The following PRDM7 variants were observed in gnomAD, a reference collection of about 807,000 sequenced individuals.
The protein encoded by PRDM7 is PR/SET domain 7.
A neutral mutation model predicts 64.3 loss-of-function variants in PRDM7; 52 were observed. The observed-to-expected ratio is 0.81, with a 90% CI of 0.65 to 1.02. PRDM7 has a LOEUF of 1.02. Ranked by LOEUF, PRDM7 falls within the 50% of genes least tolerant of loss-of-function variation. The pLI is 0.00. For synonymous variants in PRDM7, 192 were observed against 210.1 expected, an observed-to-expected ratio of 0.91 and a Z score of 0.74; for missense variants, 574 against 597.1, an observed-to-expected ratio of 0.96 and a Z score of 0.40.
chr16:90,065,309 C>T (rs945450247), intron 5 of PRDM7, among the ~76,000 whole-genome samples: 10 of 140,676 alleles, frequency 7.1e-5, no homozygotes, highest in Non-Finnish European at 3.0e-5. Context: ...AGGAGAACAA[C>T]TTGAACCCAG....
Position 90,058,406 on chromosome 16 carries a change from G to A in PRDM7, c.1362C>T (p.Phe454=). 3 of 1,614,216 alleles carry A rather than the reference G, an allele frequency of 1.9e-6. No homozygotes were observed. Among genetic ancestry groups the A allele is most frequent in the Non-Finnish European group, 2.5e-6 (3 of 1,180,042 alleles). Residue 454 remains phenylalanine, a synonymous_variant, in exon 11 of 11, where the codon TTC becomes TTT. Transcript: ENST00000449207. ...CCTGGGCAGGGATTCTCTGGTTGGA[G>A]AAGTTTTCTTGCAGATGGTCCTGGG... The part of the protein sequence containing the change: ...RTSQDHLQEN[F]SNQRIPAQGI...
intron 8 of PRDM7, 44 bp from the exon 9 acceptor site, chr16:90,061,563 AT>A: frequency 1.3e-6 from 2 of 1,542,846 alleles, no homozygotes; most frequent in Non-Finnish European, 1.8e-6. Context: ...GAGGGTAAAA[AT>A]CCGAAGAATT....
rs573675242 is a variant in PRDM7 at position 90,063,583 on chromosome 16, G to T, written c.508+29C>A. On this transcript the variant is annotated intron_variant, in intron 6 of 10. Transcript: ENST00000449207. ...CCAACCTTTCTAGAGGACATAGAGG[G>T]ACTAAATTCCCCTCAAATTTTTTCT... is the stretch of plus-strand genomic sequence containing the variant. The T allele has an allele frequency of 4.1e-5, 66 of 1,609,566 alleles. No homozygotes were observed. The South Asian group carries it at 6.6e-4, about 16-fold the overall frequency.
rs8048407 is a variant in PRDM7, at chr16:90,057,324, C to T, written c.*965G>A. On this transcript the variant is annotated 3_prime_UTR_variant, in exon 11 of 11. Coordinates refer to ENST00000449207, the MANE Select transcript of PRDM7 (RefSeq NM_001098173.2). ...GACCAGGGAGCTCTCTTTCCTGCTG[C>T]GACTCTGTAAAACCCTACATTTCTC... 3,188 of 154,178 alleles carry T rather than the reference C, an allele frequency of 0.021. 117 individuals carry two copies. Among genetic ancestry groups the T allele is most frequent in the African/African-American group, 0.073 (3,034 of 41,446 alleles). 9.6% of individuals were successfully genotyped at this position (154,178 alleles called of 1,614,324 possible). A position where few individuals can be genotyped will look rare whatever the true frequency, so the allele number is the denominator to read the frequency against.
rs1597687556 is a variant in PRDM7, at chr16:90,065,721, C to G, written c.351+1140G>C. 4.0e-5 allele frequency among the ~76,000 whole-genome samples: 6 copies of G among 151,420 alleles called. No homozygotes were observed. In the South Asian group the frequency reaches 1.2e-3, roughly 31 times the overall value. On this transcript the variant is annotated intron_variant, in intron 5 of 10. Transcript: ENST00000449207. ...TTGCACTGCAGCCTTGGCGCAAGAG[C>G]CAGACTCTGTCTCAAACTACCCCCT...
chr16:90,076,429 C>G (rs1011628351), intron 1 of PRDM7, among the ~76,000 whole-genome samples: 2 of 138,512 alleles, frequency 1.4e-5, no homozygotes, highest in African/African-American at 4.9e-5. Context: ...ATTTGGGGAT[C>G]TCTACCTGGG....
rs748141669 is a variant in PRDM7, at chr16:90,075,415, C to T, written c.129G>A (p.Met43Ile). The T allele has an allele frequency of 1.2e-6, 2 of 1,614,088 alleles. No homozygotes were observed. Among genetic ancestry groups the T allele is most frequent in the Non-Finnish European group, 1.7e-6 (2 of 1,180,056 alleles). Residue 43 changes from methionine to isoleucine, a missense_variant, in exon 3 of 11, where the codon ATG becomes ATA. By Grantham distance (10) the Met-to-Ile change is conservative. Transcript: ENST00000449207. This position sits in a 1 kb window ranked among gnomAD's most constrained non-coding sequence, Gnocchi z 4.3. ...TATAGCGAGTTTTCTCCCAGTCTCC[C>T]ATTTCTGCCCATTCTTCCTTGGTGA... ...IYFTKEEWAE[M>I]GDWEKTRYRN...
chr16:90,060,925 C>T (rs897730448), intron 9 of PRDM7, among the ~76,000 whole-genome samples: 2 of 152,186 alleles, frequency 1.3e-5, no homozygotes, highest in African/African-American at 4.8e-5. Flanking sequence ...CTTTGACAGG[C>T]CTTCCTCTAA....
chr16:90,056,824 G>A lies in PRDM7; in HGVS notation c.*1465C>T, dbSNP rs569563631. 3 of 152,328 alleles carry A rather than the reference G, an allele frequency of 2.0e-5. No individual in the cohort carries two copies. Among genetic ancestry groups the A allele is most frequent in the East Asian group, 3.9e-4 (2 of 5,180 alleles). 9.4% of individuals were successfully genotyped at this position (152,328 alleles called of 1,614,324 possible). On this transcript the variant is annotated 3_prime_UTR_variant, in exon 11 of 11. Transcript: ENST00000449207. ...ATCTATAGATAACATCAGTTGCTAG[G>A]TCAGGGGTCGAATTTTAACTACCAG...
chr16:90,074,743 G>A (rs2038009854), intron 4 of PRDM7, among the ~76,000 whole-genome samples, 173 bp downstream of exon 4: 1 of 152,058 alleles, frequency 6.6e-6, no homozygotes, highest in Non-Finnish European at 1.5e-5. Flanking sequence ...GCTGAGTGTG[G>A]TGGCGCATGC....
rs527282907 is a variant in PRDM7, at chr16:90,066,516, A to G, written c.351+345T>C. On this transcript the variant is annotated intron_variant, in intron 5 of 10. Transcript: ENST00000449207. ...CAACACTGAATGTGATCCCAGGGAT[A>G]TAACTGAACATTTTTATACCTCAGT... is the stretch of plus-strand genomic sequence containing the variant. Among the ~76,000 whole-genome samples the G allele has an allele frequency of 7.1e-4, 108 of 151,404 alleles. 1 individual carries two copies. Among genetic ancestry groups the G allele is most frequent in the Non-Finnish European group, 1.4e-3 (97 of 67,984 alleles).
At chr16:90,058,587 A>C in intron 10 of PRDM7, 53 bp from the exon 11 acceptor site, 1 of 1,558,596 alleles carries the variant, frequency 6.4e-7, no homozygotes, top group Non-Finnish European at 8.9e-7. Flanking sequence ...GCCTTACTAC[A>C]TATGAAGGTA....
intron 10 of PRDM7, 101 bp downstream of exon 10, chr16:90,060,240 C>A: frequency 6.4e-7 from 1 of 1,566,822 alleles, no homozygotes; most frequent in East Asian, 2.3e-5. Flanking sequence ...ATTTTACTGA[C>A]TTTAGACGGC....
Position 90,060,597 on chromosome 16 carries a change from T to C in PRDM7, c.977A>G (p.Glu326Gly). 2.5e-6 allele frequency: 4 copies of C among 1,614,134 alleles called. No individual in the cohort carries two copies. The highest frequency in any genetic ancestry group is 3.4e-6 in the Non-Finnish European group (4 of 1,180,010). ...CTGGAAGGCCACCAGGTTCTGCTCT[T>C]CATCATCCCGGGCACAGTTCACATA... is the stretch of plus-strand genomic sequence containing the variant. ...MRYVNCARDD[E>G]EQNLVAFQYH... The change falls in exon 10 of 11, where the codon GAA becomes GGA. Residue 326 changes from glutamate (E) to glycine (G), a missense_variant. By Grantham distance (98) the Glu-to-Gly change is moderately conservative. Coordinates refer to ENST00000449207, the MANE Select transcript of PRDM7 (RefSeq NM_001098173.2).
rs367752693 is a variant in PRDM7 at position 90,075,413 on chromosome 16, C to T, written c.131G>A (p.Gly44Glu). Reference sequence around the variant, plus strand: ...CCTATAGCGAGTTTTCTCCCAGTCTCCCATTTCTGCCCATTCTTCCTTGGT... The same window carrying T: ...CCTATAGCGAGTTTTCTCCCAGTCTTCCATTTCTGCCCATTCTTCCTTGGT... ...YFTKEEWAEM[G>E]DWEKTRYRNV... Residue 44 changes from glycine (G) to glutamate (E), a missense_variant, in exon 3 of 11, where the codon GGA (glycine) becomes GAA (glutamate). Transcript: ENST00000449207. This position sits in a 1 kb window ranked among gnomAD's most constrained non-coding sequence, Gnocchi z 4.3. The T allele has an allele frequency of 1.2e-6, 2 of 1,614,192 alleles. No homozygotes were observed. The highest frequency in any genetic ancestry group is 2.2e-5 in the East Asian group (1 of 44,884).
At chr16:90,066,771 T>A in intron 5 of PRDM7, 90 bp downstream of exon 5, 1 of 1,216,400 alleles carries the variant, frequency 8.2e-7, no homozygotes, top group Non-Finnish European at 1.2e-6. Context: ...AGGCAGTAGT[T>A]CCTAGGATAG....
Position 90,058,461 on chromosome 16 carries a change from A to C in PRDM7, c.1307T>G (p.Met436Arg), listed in dbSNP as rs1239533524. 1 of 1,614,178 alleles carries C rather than the reference A, an allele frequency of 6.2e-7. No individual in the cohort carries two copies. Among genetic ancestry groups the C allele is most frequent in the Admixed American group, 1.7e-5 (1 of 60,018 alleles). ...PFQVKNFSVN[M>R]WNAITPLRTS... is the part of the protein sequence containing the mutation. ...TCTGAGAGGAGTGATTGCGTTCCACATGTTGACTGAGAAATTTTTGACTTG... is the reference window on the plus strand; with the variant it reads ...TCTGAGAGGAGTGATTGCGTTCCACCTGTTGACTGAGAAATTTTTGACTTG... Residue 436 changes from methionine (M) to arginine (R), a missense_variant, in exon 11 of 11, where the codon ATG becomes AGG. Coordinates refer to ENST00000449207, the MANE Select transcript of PRDM7 (RefSeq NM_001098173.2).
chr16:90,067,268 A>C (rs150777873), intron 4 of PRDM7, among the ~76,000 whole-genome samples: 1 of 151,178 alleles, frequency 6.6e-6, no homozygotes, highest in African/African-American at 2.5e-5. Flanking sequence ...GCTTGGCCTA[A>C]CTCTGGAGTT....
chr16:90,073,378 CT>C (rs1567880546), intron 4 of PRDM7, among the ~76,000 whole-genome samples: 1 of 148,678 alleles, frequency 6.7e-6, no homozygotes, highest in African/African-American at 2.5e-5. Flanking sequence ...ACAATGTTTT[CT>C]TTTTTTTAAA....
Sources: allele counts gnomAD v4.1 joint callset (sites outside exome capture counted in the v4.1 genomes callset), GRCh38; gene constraint gnomAD v4.1.1; non-coding constraint Gnocchi (gnomAD v3.1); transcripts MANE v1.5; gene names NCBI Gene and HGNC (gene_info 2026-07-23, HGNC 2026-07-21).